MROH7: variants seen among roughly 807,000 people sequenced by gnomAD.
MROH7 encodes the protein maestro heat-like repeat-containing protein family member 7.
Under a neutral mutation model 129.2 loss-of-function variants are expected in MROH7, and 113 were observed. The ratio of observed to expected loss-of-function variants is 0.87; its 90% CI spans 0.75 to 1.02. The LOEUF is 1.02. MROH7 is among the 50% of genes least tolerant of loss of function. The pLI is 0.00. For missense variants in MROH7, 1,601 were observed against 1,671.3 expected (o/e 0.96, Z 0.73); for synonymous variants, 655 against 667.9 (o/e 0.98, Z 0.30).
chr1:54,648,342 T>TTATTTATTTATG (rs1644502341), intron 1 of MROH7, among the ~76,000 whole-genome samples: 1 of 100,004 alleles, frequency 1.0e-5, no homozygotes. Context: ...GCAATTTTAT[T>TTATTTATTTATG]TATTTATTTA....
At chr1:54,668,977 A>C in intron 5 of MROH7, 40 bp downstream of exon 5, 24 of 698,246 alleles carry the variant, frequency 3.4e-5, no homozygotes, top group Non-Finnish European at 6.1e-5. Context: ...TTGGGGTGGG[A>C]GGGGGCAGAA....
At chr1:54,678,596 C>A in intron 10 of MROH7, 146 bp from the exon 11 acceptor site, 1 of 607,102 alleles carries the variant, frequency 1.6e-6, no homozygotes, top group Non-Finnish European at 3.0e-6. Context: ...TCACGTTCTG[C>A]TTCTTGACTT....
chr1:54,695,258 C>G, intron 16 of MROH7, 118 bp from the exon 17 acceptor site: 2 of 627,556 alleles, frequency 3.2e-6, no homozygotes, highest in South Asian at 3.9e-5. Context: ...ATCCTGGGAA[C>G]GCAGGAATCC....
At chr1:54,680,190 C>A (rs746503903) in intron 13 of MROH7, 145 bp downstream of exon 13, 2 of 678,650 alleles carry the variant, frequency 2.9e-6, no homozygotes, top group Non-Finnish European at 5.1e-6. Flanking sequence ...TTATGACAAC[C>A]ATTAAGCACT....
chr1:54,679,948 G>A lies in MROH7; in HGVS notation c.2284G>A (p.Ala762Thr). 6.2e-7 allele frequency: 1 copy of A among 1,613,870 alleles called. No individual in the cohort carries two copies. Among genetic ancestry groups the A allele is most frequent in the Non-Finnish European group, 8.5e-7 (1 of 1,179,958 alleles). The change falls in exon 13 of 24, where the codon GCC becomes ACC. Residue 762 changes from alanine (A) to threonine (T), a missense_variant. Coordinates refer to ENST00000421030, the MANE Select transcript of MROH7 (RefSeq NM_001039464.4). ...GCTGAGCCACATCCAGGAGCCTCGG[G>A]CCCGCCAGGTGGCCCTGCTGCCCGT... ...MQLSHIQEPRARQVALLPVSL... is the reference protein window; with the variant it reads ...MQLSHIQEPRTRQVALLPVSL...
intron 12 of MROH7, 37 bp from the exon 13 acceptor site, chr1:54,679,854 A>C: frequency 6.3e-7 from 1 of 1,585,272 alleles, no homozygotes; most frequent in Non-Finnish European, 8.6e-7. Flanking sequence ...TTCCCTTGGC[A>C]GTCCCCTTGC....
At chr1:54,658,468 C>CT (rs1644681773) in intron 3 of MROH7, among the ~76,000 whole-genome samples, 1 of 152,096 alleles carries the variant, frequency 6.6e-6, no homozygotes, top group Non-Finnish European at 1.5e-5. Context: ...CCACTCTTTG[C>CT]TTTTTTAATA....
chr1:54,671,909 A>T (rs1644909257), intron 7 of MROH7, among the ~76,000 whole-genome samples: 2 of 151,108 alleles, frequency 1.3e-5, no homozygotes, highest in African/African-American at 4.9e-5. Context: ...TGCTATAAAG[A>T]GCCTGCAATG....
chr1:54,699,140 TTC>T (rs1491274980), intron 17 of MROH7: 1 of 104,204 alleles, frequency 9.6e-6, no homozygotes, highest in Non-Finnish European at 2.0e-5. Flanking sequence ...CTTTCTTTCT[TTC>T]TTTCTTTCTT....
intron 11 of MROH7, 30 bp from the exon 12 acceptor site, chr1:54,679,233 T>C: frequency 6.2e-7 from 1 of 1,612,790 alleles, no homozygotes; most frequent in Non-Finnish European, 8.5e-7. Flanking sequence ...TACCCATCAG[T>C]GTGTCATGAT....
At chr1:54,707,934 T>C (rs796625723) in intron 22 of MROH7, among the ~76,000 whole-genome samples, 34 of 152,296 alleles carry the variant, frequency 2.2e-4, no homozygotes, top group African/African-American at 7.7e-4. Flanking sequence ...AAGTAACTTC[T>C]GGTCTGGTGG....
At chr1:54,675,160 G>A (rs916335841) in intron 10 of MROH7, among the ~76,000 whole-genome samples, 1 of 152,082 alleles carries the variant, frequency 6.6e-6, no homozygotes, top group Admixed American at 6.5e-5. Flanking sequence ...ATTTTTAGTA[G>A]AGACGGGATT....
At position 54,654,117 on chromosome 1, in the gene MROH7, C is replaced by T. The variant is rs143941239; in HGVS notation, c.1191C>T (p.Pro397=). ...CGCTGGGATTCCCCATCTCCAACCCCGCAGGCAAGGACGCCGTGACCTTGC... is the reference window on the plus strand; with the variant it reads ...CGCTGGGATTCCCCATCTCCAACCCTGCAGGCAAGGACGCCGTGACCTTGC... ...QFPLGFPISN[P]AGKDAVTLQG... is the part of the protein sequence containing the mutation. Residue 397 remains proline, a synonymous_variant, in exon 3 of 24, where the codon CCC becomes CCT. Coordinates refer to ENST00000421030, the MANE Select transcript of MROH7 (RefSeq NM_001039464.4). 2.6e-3 allele frequency: 4,122 copies of T among 1,613,650 alleles called. 10 individuals carry two copies. Among genetic ancestry groups the T allele is most frequent in the Admixed American group, 3.0e-3 (178 of 59,968 alleles).
At chr1:54,669,693 C>T (rs1166821275) in intron 5 of MROH7, among the ~76,000 whole-genome samples, 2 of 152,148 alleles carry the variant, frequency 1.3e-5, no homozygotes, top group African/African-American at 4.8e-5. Flanking sequence ...CCAACTAATT[C>T]TGTATCTTAA....
At position 54,680,620 on chromosome 1, in the gene MROH7, C is replaced by T. The variant is rs1177500783; in HGVS notation, c.2381+575C>T. On this transcript the variant is annotated intron_variant, in intron 13 of 23. Coordinates refer to ENST00000421030, the MANE Select transcript of MROH7 (RefSeq NM_001039464.4). ...CCAAGCTCACTGTCTTCAGGGAGCT[C>T]GTGATCTGATGGGCAGAGGGGACTG... Among the ~76,000 whole-genome samples, 11 of 152,312 alleles carry T rather than the reference C, an allele frequency of 7.2e-5. No homozygotes were observed. In the South Asian group the frequency reaches 1.7e-3, roughly 23 times the overall value.
chr1:54,687,042 C>T (rs915395639), intron 15 of MROH7, among the ~76,000 whole-genome samples: 3 of 144,940 alleles, frequency 2.1e-5, no homozygotes, highest in Non-Finnish European at 4.5e-5. Context: ...GTAGAGCTGT[C>T]TCCTTATTTA....
intron 3 of MROH7, among the ~76,000 whole-genome samples, chr1:54,659,352 G>A (rs1426458484): frequency 3.9e-5 from 6 of 152,056 alleles, no homozygotes; most frequent in South Asian, 2.1e-4. Flanking sequence ...GCACAATCTC[G>A]GCTCACTGCA....
rs1355462702 is a variant in MROH7, at chr1:54,700,461, G to A, written c.3105G>A (p.Lys1035=). 6.3e-7 allele frequency: 1 copy of A among 1,584,298 alleles called. No individual in the cohort carries two copies. The highest frequency in any genetic ancestry group is 2.2e-5 in the East Asian group (1 of 44,550). ...GLVILARRSE[K]TAKVKALLPS... Reference sequence around the variant, plus strand: ...TCATCCTGGCCCGCAGGTCTGAGAAGGTGAGTGGGAGGCAGAGGAAAGCCT... The same window carrying A: ...TCATCCTGGCCCGCAGGTCTGAGAAAGTGAGTGGGAGGCAGAGGAAAGCCT... Residue 1035 remains lysine (K), a splice_region_variant and synonymous_variant, in exon 18 of 24, where the codon AAG becomes AAA. Coordinates refer to ENST00000421030, the MANE Select transcript of MROH7 (RefSeq NM_001039464.4).
At chr1:54,662,088 C>T (rs775490880) in intron 3 of MROH7, among the ~76,000 whole-genome samples, 6 of 151,672 alleles carry the variant, frequency 4.0e-5, no homozygotes, top group African/African-American at 1.5e-4. Context: ...AATGTGGTAG[C>T]GTGGGCCTGT....
Sources: gnomAD v4.1 joint callset for allele counts (sites outside exome capture counted in the v4.1 genomes callset) on GRCh38, gnomAD v4.1.1 for gene constraint, MANE v1.5 for transcripts, NCBI Gene and HGNC (gene_info 2026-07-23, HGNC 2026-07-21) for gene names.